The following NOTCH2 variants were observed in gnomAD, a reference collection of about 807,000 sequenced individuals.
NOTCH2 encodes the protein notch receptor 2, also known as neurogenic locus notch homolog protein 2.
In NOTCH2, 29 loss-of-function variants were observed where a neutral mutation model predicts 235.8. That is an observed-to-expected ratio of 0.12 (90% confidence interval 0.09 to 0.17). The LOEUF (loss-of-function observed/expected upper bound fraction) is 0.17, where lower values mean the gene tolerates loss of function less well. Among genes scored for constraint, NOTCH2 ranks in the 10% least tolerant of loss-of-function variants. The pLI, the probability that NOTCH2 is intolerant of heterozygous loss-of-function variation, is 1.00. For synonymous variants in NOTCH2, 1,086 were observed against 1,141.5 expected (o/e 0.95, Z 0.98); for missense variants, 2,285 against 3,150.2 (o/e 0.73, Z 6.57).
intron 5 of NOTCH2, among the ~76,000 whole-genome samples, chr1:119,971,117 T>C (rs1557827361): frequency 6.6e-6 from 1 of 152,164 alleles, no homozygotes. Flanking sequence ...TCTTTATTCC[T>C]ATCTAACATG....
rs587606735 is a variant in NOTCH2 at position 119,923,578 on chromosome 1, T to C, written c.4859+59A>G. 40 of 1,395,536 alleles carry C rather than the reference T, an allele frequency of 2.9e-5. No homozygotes were observed. The African/African-American group carries it at 3.8e-4, about 13-fold the overall frequency. The allele number at this position is 1,395,536 out of a possible 1,614,324, so 86.4% of individuals were successfully genotyped here. A position where few individuals can be genotyped will look rare whatever the true frequency, so the allele number is the denominator to read the frequency against. On this transcript the variant is annotated intron_variant, in intron 26 of 33. Transcript: ENST00000256646. ...ATAGGTTGAGTTATGACTTGTGCTA[T>C]ATGTCAAAGTGCTAGGCTTCATAAA...
chr1:119,932,788 T>C (rs1328453644), intron 22 of NOTCH2, among the ~76,000 whole-genome samples: 1 of 152,164 alleles, frequency 6.6e-6, no homozygotes, highest in Non-Finnish European at 1.5e-5. Flanking sequence ...ATCTTTGCAT[T>C]TGGCTTCTCT....
chr1:120,042,846 G>T (rs1654634083), intron 1 of NOTCH2, among the ~76,000 whole-genome samples: 1 of 151,308 alleles, frequency 6.6e-6, no homozygotes, highest in Non-Finnish European at 1.5e-5. Flanking sequence ...TTGTTAAGAA[G>T]AACAAGTTTA....
rs587602059 is a variant in NOTCH2, at chr1:119,938,177, C to T, written c.3184-167G>A. On this transcript the variant is annotated intron_variant, in intron 19 of 33. Coordinates refer to ENST00000256646, the MANE Select transcript of NOTCH2 (RefSeq NM_024408.4). ...AAACTAGATTCAGTGTTCCGAGGTA[C>T]ACCTAACCATTTTTACGTACCGTTA... Among the ~76,000 whole-genome samples, 4 of 152,256 alleles carry T rather than the reference C, an allele frequency of 2.6e-5. No homozygotes were observed. The South Asian group carries it at 6.2e-4, about 24-fold the overall frequency.
rs1649093413 is a variant in NOTCH2, at chr1:119,916,779, C to T, written c.6028-85G>A. 2.2e-6 allele frequency: 3 copies of T among 1,338,584 alleles called. No individual in the cohort carries two copies. The Admixed American group carries it at 5.8e-5, about 26-fold the overall frequency. The allele number at this position is 1,338,584 out of a possible 1,614,324, so 82.9% of individuals were successfully genotyped here. A position where few individuals can be genotyped will look rare whatever the true frequency, so the allele number is the denominator to read the frequency against. On this transcript the variant is annotated intron_variant, in intron 33 of 33. Transcript: ENST00000256646. ...TTTCTCAATCTTTTTTATTATCACC[C>T]CCTTAGACATGTTTTCCTAATTATC...
intron 1 of NOTCH2, among the ~76,000 whole-genome samples, chr1:120,063,632 G>A (rs1655397458): frequency 6.6e-6 from 1 of 152,076 alleles, no homozygotes; most frequent in African/African-American, 2.4e-5. Flanking sequence ...CATTTCCAAG[G>A]GGGAAAAATG....
At chr1:119,982,497 T>C (rs587705205) in intron 5 of NOTCH2, among the ~76,000 whole-genome samples, 22 of 152,208 alleles carry the variant, frequency 1.4e-4, no homozygotes, top group African/African-American at 5.3e-4. Flanking sequence ...AGACAAAACA[T>C]TAATCTACAC....
intron 1 of NOTCH2, among the ~76,000 whole-genome samples, chr1:120,045,897 G>A (rs1553213550): frequency 6.6e-6 from 1 of 152,278 alleles, no homozygotes; most frequent in Admixed American, 6.5e-5. Context: ...GGAGGTGTAA[G>A]ACCATCCACT....
chr1:120,029,549 C>G (rs1156329340), intron 2 of NOTCH2, among the ~76,000 whole-genome samples: 1 of 151,844 alleles, frequency 6.6e-6, no homozygotes, highest in Non-Finnish European at 1.5e-5. Context: ...TAGGGTTTCA[C>G]TATGTTGGCC....
chr1:119,968,613 T>C (rs1651242866), intron 6 of NOTCH2, among the ~76,000 whole-genome samples: 1 of 152,220 alleles, frequency 6.6e-6, no homozygotes, highest in South Asian at 2.1e-4. Flanking sequence ...TTTTAGTATG[T>C]CTCAAATATT....
intron 5 of NOTCH2, among the ~76,000 whole-genome samples, chr1:119,975,990 A>G (rs1651567398): frequency 6.6e-6 from 1 of 152,230 alleles, no homozygotes; most frequent in Admixed American, 6.5e-5. Context: ...CTCGACTCTC[A>G]TCCTTTCCAG....
At chr1:120,031,137 A>C (rs1654073173) in intron 1 of NOTCH2, among the ~76,000 whole-genome samples, 1 of 151,182 alleles carries the variant, frequency 6.6e-6, no homozygotes, top group Non-Finnish European at 1.5e-5. Context: ...TAAATTGTGC[A>C]AGATCAGAGA....
In NOTCH2 at chr1:119,922,565, A is replaced by G. The variant is rs1182798630; in HGVS notation, c.5002+71T>C. On this transcript the variant is annotated intron_variant, in intron 27 of 33. Coordinates refer to ENST00000256646, the MANE Select transcript of NOTCH2 (RefSeq NM_024408.4). ...CAGTCCTGAAAAAATAGAGGGCTAC[A>G]TAATGAAAATTGTTCCCCCAATTGA... 9.9e-6 allele frequency: 16 copies of G among 1,609,782 alleles called. No individual in the cohort carries two copies. In the East Asian group the frequency reaches 2.9e-4, roughly 29 times the overall value.
chr1:119,980,318 T>C (rs1019437278), intron 5 of NOTCH2, among the ~76,000 whole-genome samples: 5 of 152,182 alleles, frequency 3.3e-5, no homozygotes, highest in African/African-American at 7.2e-5. Context: ...CTAAAAACTG[T>C]AAGAGTAAAC....
chr1:119,949,181 T>G, intron 15 of NOTCH2, 55 bp from the exon 16 acceptor site: 2 of 1,600,734 alleles, frequency 1.2e-6, no homozygotes, highest in Non-Finnish European at 8.6e-7. Flanking sequence ...AAACGAAAAT[T>G]TTCCTTATCC....
chr1:119,978,034 T>C (rs1054123867), intron 5 of NOTCH2, among the ~76,000 whole-genome samples: 9 of 152,204 alleles, frequency 5.9e-5, no homozygotes, highest in East Asian at 3.9e-4. Context: ...GGTGCTTTCA[T>C]AGATACCTAT....
chr1:119,986,975 G>T lies in NOTCH2; in HGVS notation c.859C>A (p.Pro287Thr). 6.2e-7 allele frequency: 1 copy of T among 1,613,620 alleles called. No individual in the cohort carries two copies. Among genetic ancestry groups the T allele is most frequent in the Non-Finnish European group, 8.5e-7 (1 of 1,179,608 alleles). ...CTGTACATACCTGTCCATTGTGGGG[G>T]ACAGCGGCAGTTGTAAGTGTTGACC... ...DGVNTYNCRCPPQWTGQFCTE... is the reference protein window; with the variant it reads ...DGVNTYNCRCTPQWTGQFCTE... Residue 287 changes from proline to threonine, a missense_variant, in exon 5 of 34, where the codon CCC becomes ACC. Around this residue, in one of 6 missense-constraint regions of NOTCH2, gnomAD observed 431 missense variants for 757.8 expected, o/e 0.57. Coordinates refer to ENST00000256646, the MANE Select transcript of NOTCH2 (RefSeq NM_024408.4).
At chr1:120,046,076 G>C (rs1329315398) in intron 1 of NOTCH2, among the ~76,000 whole-genome samples, 2 of 149,714 alleles carry the variant, frequency 1.3e-5, no homozygotes, top group African/African-American at 5.0e-5. Context: ...TGTTTTTCTT[G>C]GGGTATACAT....
chr1:119,964,948 A>C (rs1651079547), intron 10 of NOTCH2, among the ~76,000 whole-genome samples: 1 of 152,328 alleles, frequency 6.6e-6, no homozygotes, highest in East Asian at 1.9e-4. Flanking sequence ...AGAGGACCCA[A>C]ACTTTCCCAG....
Sources: allele counts gnomAD v4.1 joint callset (sites outside exome capture counted in the v4.1 genomes callset), GRCh38; gene constraint gnomAD v4.1.1; regional missense constraint gnomAD v4.1.1; transcripts MANE v1.5; gene names NCBI Gene and HGNC (gene_info 2026-07-23, HGNC 2026-07-21).